The following URB2 variants were observed in gnomAD, a reference collection of about 807,000 sequenced individuals.
URB2 encodes unhealthy ribosome biogenesis protein 2 homolog.
Under a neutral mutation model 120.9 loss-of-function variants are expected in URB2, and 86 were observed. The observed-to-expected ratio is 0.71, with a 90% CI of 0.60 to 0.85. The LOEUF is 0.85. Ranked by LOEUF, URB2 falls within the 40% of genes least tolerant of loss-of-function variation. The pLI, the probability that URB2 is intolerant of heterozygous loss-of-function variation, is 0.00. For missense variants in URB2, 1,765 were observed against 1,836.5 expected (o/e 0.96, Z 0.71); for synonymous variants, 755 against 758.4 (o/e 1.00, Z 0.07).
intron 2 of URB2, among the ~76,000 whole-genome samples, chr1:229,628,167 G>A (rs1398725551): frequency 3.4e-5 from 4 of 116,098 alleles, no homozygotes; most frequent in African/African-American, 1.2e-4. Context: ...TATATGTATA[G>A]TATATATGTA....
Position 229,638,159 on chromosome 1 carries a change from G to A in URB2, c.3546G>A (p.Leu1182=), listed in dbSNP as rs745816687. Residue 1182 remains leucine (L), a synonymous_variant, in exon 4 of 10, where the codon TTG becomes TTA. Coordinates refer to ENST00000258243, the MANE Select transcript of URB2 (RefSeq NM_014777.4). ...DQSFQAALQF[L]TLFFLAPELH... ...CTTTTCAGGCAGCCTTGCAGTTTTT[G>A]ACTCTGTTCTTTTTGGCCCCAGAAC... 2 of 1,614,176 alleles carry A rather than the reference G, an allele frequency of 1.2e-6. No homozygotes were observed. The highest frequency in any genetic ancestry group is 1.7e-6 in the Non-Finnish European group (2 of 1,180,036).
chr1:229,647,903 G>A, intron 7 of URB2, 151 bp downstream of exon 7: 1 of 1,358,190 alleles, frequency 7.4e-7, no homozygotes, highest in South Asian at 1.5e-5. Context: ...GTAAATTTCA[G>A]AGCCAGGTGG....
Position 229,635,809 on chromosome 1 carries a change from A to G in URB2, c.1196A>G (p.Asn399Ser). 1.9e-6 allele frequency: 3 copies of G among 1,614,156 alleles called. No homozygotes were observed. The highest frequency in any genetic ancestry group is 2.5e-6 in the Non-Finnish European group (3 of 1,180,008). The part of the protein sequence containing the change: ...FYRHVAELLI[N>S]HAQAPIPAWF... ...CGCCACGTGGCTGAGCTGCTGATAA[A>G]CCATGCACAAGCACCCATACCGGCC... is the stretch of plus-strand genomic sequence containing the variant. Residue 399 changes from asparagine (N) to serine (S), a missense_variant, in exon 4 of 10, where the codon AAC becomes AGC. Coordinates refer to ENST00000258243, the MANE Select transcript of URB2 (RefSeq NM_014777.4).
At position 229,630,997 on chromosome 1, in the gene URB2, A is replaced by AG. The variant is rs1410247112; in HGVS notation, c.127-1272_127-1271insG. ...AACTCCGTCTCAAAAAAAAAAAAAA[A>AG]AAAAAAAAGAAAGTCCTGAATGGCA... On this transcript the variant is annotated intron_variant, in intron 2 of 9. Transcript: ENST00000258243. Among the ~76,000 whole-genome samples the AG allele has an allele frequency of 5.3e-5, 8 of 151,510 alleles. No homozygotes were observed. The East Asian group carries it at 7.7e-4, about 15-fold the overall frequency.
chr1:229,639,563 C>T (rs779122518), intron 4 of URB2, among the ~76,000 whole-genome samples: 88 of 152,228 alleles, frequency 5.8e-4, no homozygotes, highest in Non-Finnish European at 1.0e-3. Context: ...GTCTCGATAT[C>T]CTGACCTCAT....
intron 9 of URB2, among the ~76,000 whole-genome samples, chr1:229,655,541 A>C (rs1238996001): frequency 6.6e-6 from 1 of 152,186 alleles, no homozygotes; most frequent in Non-Finnish European, 1.5e-5. Context: ...GCCATTCAAC[A>C]GTTATCTTAC....
rs367758088 is a variant in URB2 at position 229,638,205 on chromosome 1, G to A, written c.3592G>A (p.Val1198Met). The change falls in exon 4 of 10, where the codon GTG (valine) becomes ATG (methionine). Residue 1198 changes from valine to methionine, a missense_variant. Physicochemically the swap from Val to Met is conservative, Grantham distance 21. Coordinates refer to ENST00000258243, the MANE Select transcript of URB2 (RefSeq NM_014777.4). ...AGAACTGCATCCCAAAAAGGACTCCGTGTTTACCTCCATGTTTCATTCTGT... is the reference window on the plus strand; with the variant it reads ...AGAACTGCATCCCAAAAAGGACTCCATGTTTACCTCCATGTTTCATTCTGT... ...APELHPKKDS[V>M]FTSMFHSVRR... The A allele has an allele frequency of 1.4e-4, 229 of 1,612,050 alleles. No individual in the cohort carries two copies. The highest frequency in any genetic ancestry group is 1.7e-4 in the Non-Finnish European group (205 of 1,179,152).
chr1:229,636,410 G>T lies in URB2; in HGVS notation c.1797G>T (p.Leu599=), dbSNP rs1643262269. The T allele has an allele frequency of 6.2e-7, 1 of 1,614,154 alleles. No individual in the cohort carries two copies. Among genetic ancestry groups the T allele is most frequent in the Admixed American group, 1.7e-5 (1 of 60,012 alleles). Residue 599 remains leucine, a synonymous_variant, in exon 4 of 10, where the codon CTG becomes CTT. Transcript: ENST00000258243. ...DTPGPEPELW[L]QKVSDSVLLL... is the part of the protein sequence containing the mutation. ...CAGGCCCAGAGCCAGAGCTGTGGCTGCAGAAGGTCAGTGACTCTGTGCTCC... is the reference window on the plus strand; with the variant it reads ...CAGGCCCAGAGCCAGAGCTGTGGCTTCAGAAGGTCAGTGACTCTGTGCTCC...
chr1:229,649,051 A>G (rs1666213074), intron 7 of URB2, among the ~76,000 whole-genome samples: 1 of 152,228 alleles, frequency 6.6e-6, no homozygotes, highest in Admixed American at 6.5e-5. Context: ...GAAAAGTTCC[A>G]TTAAAAATAC....
Position 229,637,488 on chromosome 1 carries a change from C to T in URB2, c.2875C>T (p.Arg959Cys), listed in dbSNP as rs866307697. ...LGYLQKGKSA[R>C]SVFKIMYGSD... The stretch of plus-strand genomic sequence containing the variant: ...TTACTTGCAAAAGGGGAAAAGTGCT[C>T]GCTCTGTGTTCAAGATCATGTATGG... The change falls in exon 4 of 10, where the codon CGC (arginine) becomes TGC (cysteine). Residue 959 changes from arginine to cysteine, a missense_variant. By Grantham distance (180) the Arg-to-Cys change is radical. Transcript: ENST00000258243. 6.8e-6 allele frequency: 11 copies of T among 1,614,030 alleles called. No individual in the cohort carries two copies. The highest frequency in any genetic ancestry group is 5.3e-5 in the African/African-American group (4 of 74,916).
In URB2 at chr1:229,636,373, TCCCGGACAC is replaced by T. The variant is rs1262479015; in HGVS notation, c.1764_1772del (p.Asp589_Pro591del). On this transcript the variant is annotated inframe_deletion, in exon 4 of 10. Transcript: ENST00000258243. ...CTCGTGCAGCCCCTGCTGGCCCTTC[TCCCGGACAC>T]CCCAGGCCCAGAGCCAGAGCTGTGG... 1 of 1,614,070 alleles carries T rather than the reference TCCCGGACAC, an allele frequency of 6.2e-7. No individual in the cohort carries two copies. Among genetic ancestry groups the T allele is most frequent in the Non-Finnish European group, 8.5e-7 (1 of 1,180,032 alleles).
At chr1:229,650,412 A>G (rs1479833400) in intron 7 of URB2, among the ~76,000 whole-genome samples, 1 of 152,158 alleles carries the variant, frequency 6.6e-6, no homozygotes, top group East Asian at 1.9e-4. Context: ...TAAAAGAGGC[A>G]TGTTTTGTCA....
At chr1:229,628,272 T>TTATACATATACATATTATATATTTATA (rs1347099829) in intron 2 of URB2, among the ~76,000 whole-genome samples, 1 of 147,132 alleles carries the variant, frequency 6.8e-6, no homozygotes, top group African/African-American at 2.6e-5. Context: ...TGTATATAAA[T>TTATACATATACATATTATATATTTATA]TAGTCAGACA....
chr1:229,629,595 C>A (rs2102778404), intron 2 of URB2, among the ~76,000 whole-genome samples: 1 of 152,222 alleles, frequency 6.6e-6, no homozygotes, highest in East Asian at 1.9e-4. Flanking sequence ...TAAAAAATTG[C>A]CCAAAAATGC....
At chr1:229,652,561 T>C (rs939545565) in intron 8 of URB2, among the ~76,000 whole-genome samples, 1 of 152,286 alleles carries the variant, frequency 6.6e-6, no homozygotes, top group Non-Finnish European at 1.5e-5. Flanking sequence ...GATATTTCGC[T>C]TCTTCCTGTA....
At chr1:229,645,315 A>G (rs1666114207) in intron 5 of URB2, among the ~76,000 whole-genome samples, 1 of 150,994 alleles carries the variant, frequency 6.6e-6, no homozygotes, top group South Asian at 2.1e-4. Context: ...AATTCTGCTC[A>G]CTCTGTGCTT....
In URB2 at chr1:229,635,718, A is replaced by G. The variant is rs1665786668; in HGVS notation, c.1105A>G (p.Asn369Asp). The change falls in exon 4 of 10, where the codon AAC (asparagine) becomes GAC (aspartate). Residue 369 changes from asparagine to aspartate, a missense_variant. Transcript: ENST00000258243. ...GGAACAGCTACTAAACTCAGTGGCC[A>G]ACAACAATATCTACAACATCGCTGC... ...VVEQLLNSVANNNIYNIAADR... is the reference protein window; with the variant it reads ...VVEQLLNSVADNNIYNIAADR... 1 of 1,614,108 alleles carries G rather than the reference A, an allele frequency of 6.2e-7. No individual in the cohort carries two copies. The highest frequency in any genetic ancestry group is 1.7e-5 in the Admixed American group (1 of 60,008).
chr1:229,629,747 A>G (rs1243187893), intron 2 of URB2, among the ~76,000 whole-genome samples: 1 of 152,190 alleles, frequency 6.6e-6, no homozygotes, highest in Non-Finnish European at 1.5e-5. Flanking sequence ...AGTTTGCTGC[A>G]TTGATGGAGC....
In URB2 at chr1:229,635,304, C is replaced by CGGGA. The variant is rs1558163232; in HGVS notation, c.692_695dup (p.Asp232GlufsTer8). ...GGGCCAGCTGAGGCAGGTGCTGAGCCGGGACATCAGGAGTCAGATTGAGGC... is the reference window on the plus strand; with the variant it reads ...GGGCCAGCTGAGGCAGGTGCTGAGCCGGGAGGGACATCAGGAGTCAGATTGAGGC... On this transcript the variant is annotated frameshift_variant, in exon 4 of 10. Transcript: ENST00000258243. LOFTEE classifies it high-confidence loss of function. 6.2e-7 allele frequency: 1 copy of CGGGA among 1,614,128 alleles called. No homozygotes were observed. Among genetic ancestry groups the CGGGA allele is most frequent in the Admixed American group, 1.7e-5 (1 of 60,024 alleles).
Sources: allele counts gnomAD v4.1 joint callset (sites outside exome capture counted in the v4.1 genomes callset), GRCh38; gene constraint gnomAD v4.1.1; transcripts MANE v1.5; gene names NCBI Gene and HGNC (gene_info 2026-07-23, HGNC 2026-07-21).